The following TG variants were observed in gnomAD, a reference collection of about 807,000 sequenced individuals.
The protein encoded by TG is thyroglobulin, also known as thyroid hormones.
TG carries 270 observed loss-of-function variants against 324.7 expected under a neutral mutation model. The ratio of observed to expected loss-of-function variants is 0.83; its 90% confidence interval spans 0.75 to 0.92. The LOEUF is 0.92. Among genes scored for constraint, TG ranks in the 40% least tolerant of loss-of-function variants. TG has a pLI of 0.00. For missense variants in TG, 3,591 were observed against 3,456.4 expected, an observed-to-expected ratio of 1.04 and a Z score of -0.98; for synonymous variants, 1,401 against 1,327.0, an observed-to-expected ratio of 1.06 and a Z score of -1.21.
chr8:132,948,531 A>G (rs1042911859), intron 26 of TG, among the ~76,000 whole-genome samples: 2 of 152,174 alleles, frequency 1.3e-5, no homozygotes, highest in South Asian at 2.1e-4. Context: ...AAGCTCTCAT[A>G]GGGAGGGAAA....
In TG at chr8:132,935,873, G is replaced by T; in HGVS notation, c.5041+9G>T. 1 of 1,611,000 alleles carries T rather than the reference G, an allele frequency of 6.2e-7. No homozygotes were observed. The highest frequency in any genetic ancestry group is 2.2e-4 in the Middle Eastern group (1 of 4,504). Reference sequence around the variant, plus strand: ...TGTGTATTTGAAAAAGGGTAGGTTGGTCAGGCTGGTTGGCTTAGGCCCGCG... The same window carrying T: ...TGTGTATTTGAAAAAGGGTAGGTTGTTCAGGCTGGTTGGCTTAGGCCCGCG... On this transcript the variant is annotated intron_variant, in intron 25 of 47. Coordinates refer to ENST00000220616, the MANE Select transcript of TG (RefSeq NM_003235.5).
At chr8:132,937,353 C>T (rs75278543) in intron 25 of TG, among the ~76,000 whole-genome samples, 1 of 152,322 alleles carries the variant, frequency 6.6e-6, no homozygotes, top group East Asian at 1.9e-4. Flanking sequence ...GTAGCAATTG[C>T]GAGCCCACAG....
In TG at chr8:133,134,793, G is replaced by A. The variant is rs1376734328; in HGVS notation, c.8306G>A (p.Ter2769=). 14 of 1,613,814 alleles carry A rather than the reference G, an allele frequency of 8.7e-6. No individual in the cohort carries two copies. The highest frequency in any genetic ancestry group is 1.2e-5 in the Non-Finnish European group (14 of 1,179,750). The change falls in exon 48 of 48, where the codon TGA becomes TAA. Residue 2769 remains the stop codon, a stop_retained_variant. Transcript: ENST00000220616. ...QEPGSKTYSK[*] ...CCAGGCTCTAAGACCTACAGCAAGT[G>A]ACCAGCCCTTGAGCTCCCCAAAAAC...
chr8:133,001,115 A>G (rs1275594623), intron 35 of TG, among the ~76,000 whole-genome samples: 1 of 152,168 alleles, frequency 6.6e-6, no homozygotes, highest in Non-Finnish European at 1.5e-5. Context: ...CATTGGATTA[A>G]GGCCTACTCT....
intron 35 of TG, among the ~76,000 whole-genome samples, chr8:133,006,645 C>A (rs1003200391): frequency 2.6e-5 from 4 of 152,232 alleles, no homozygotes; most frequent in Non-Finnish European, 4.4e-5. Context: ...CAATCTACTG[C>A]CTCGTGGAGG....
intron 35 of TG, among the ~76,000 whole-genome samples, chr8:132,984,444 G>A (rs773078995): frequency 1.3e-5 from 2 of 152,146 alleles, no homozygotes; most frequent in Non-Finnish European, 2.9e-5. Context: ...CATGATAGAC[G>A]TTAGCTTCCT....
At chr8:133,056,091 A>T (rs1189029175) in intron 41 of TG, among the ~76,000 whole-genome samples, 1 of 152,188 alleles carries the variant, frequency 6.6e-6, no homozygotes, top group Non-Finnish European at 1.5e-5. Flanking sequence ...AGGGCAGGGC[A>T]TGGCTGTGTT....
intron 27 of TG, among the ~76,000 whole-genome samples, chr8:132,953,991 T>C (rs1826484210): frequency 7.3e-6 from 1 of 136,210 alleles, no homozygotes; most frequent in Non-Finnish European, 1.5e-5. Context: ...GATGTAAAAT[T>C]TGATAGAAAA....
rs1241452705 is a variant in TG at position 132,867,039 on chromosome 8, C to T, written c.39C>T (p.Ser13=). The part of the protein sequence containing the change: ...LVLEIFTLLA[S]ICWVSANIFE... The stretch of plus-strand genomic sequence containing the variant: ...TGGAGATCTTCACCCTGCTGGCCTC[C>T]ATCTGCTGGGTGTCGGCCAATATCT... Residue 13 remains serine (S), a synonymous_variant, in exon 1 of 48, where the codon TCC becomes TCT. Coordinates refer to ENST00000220616, the MANE Select transcript of TG (RefSeq NM_003235.5). 6.2e-7 allele frequency: 1 copy of T among 1,601,992 alleles called. No individual in the cohort carries two copies. Among genetic ancestry groups the T allele is most frequent in the Non-Finnish European group, 8.5e-7 (1 of 1,173,372 alleles).
At chr8:133,071,385 C>T (rs982246926) in intron 41 of TG, among the ~76,000 whole-genome samples, 4 of 152,148 alleles carry the variant, frequency 2.6e-5, no homozygotes, top group Non-Finnish European at 5.9e-5. Flanking sequence ...TCCCAGCTAC[C>T]GTGTCCTTAG....
intron 34 of TG, among the ~76,000 whole-genome samples, chr8:132,982,775 G>T (rs1289196492): frequency 6.6e-6 from 1 of 152,198 alleles, no homozygotes; most frequent in African/African-American, 2.4e-5. Context: ...GAAAACTGAG[G>T]CCCAGAAAGC....
At chr8:132,973,105 G>A (rs1474235180) in intron 34 of TG, among the ~76,000 whole-genome samples, 1 of 152,186 alleles carries the variant, frequency 6.6e-6, no homozygotes, top group Admixed American at 6.5e-5. Flanking sequence ...GGTCCCACCT[G>A]GGCTTAGTCA....
chr8:133,039,953 G>GCGCACA, intron 41 of TG: 5 of 1,433,550 alleles, frequency 3.5e-6, no homozygotes, highest in Non-Finnish European at 4.7e-6. Flanking sequence ...GCACTTGCAT[G>GCGCACA]CACACACACA....
At chr8:132,958,520 C>T (rs1167463599) in intron 27 of TG, among the ~76,000 whole-genome samples, 1 of 152,066 alleles carries the variant, frequency 6.6e-6, no homozygotes, top group Non-Finnish European at 1.5e-5. Flanking sequence ...GAGTTCAAGA[C>T]CATCCTGGCC....
chr8:133,104,122 G>T (rs1229494240), intron 43 of TG, among the ~76,000 whole-genome samples: 1 of 152,220 alleles, frequency 6.6e-6, no homozygotes, highest in East Asian at 1.9e-4. Context: ...TGGGGCAGGA[G>T]TGGTCCTGGC....
chr8:133,112,977 C>G (rs1046017422), intron 43 of TG, among the ~76,000 whole-genome samples: 4 of 152,182 alleles, frequency 2.6e-5, no homozygotes, highest in African/African-American at 9.7e-5. Flanking sequence ...TGATGAGTGA[C>G]TGAGTCCATG....
At chr8:133,008,337 C>G (rs1014456949) in intron 35 of TG, among the ~76,000 whole-genome samples, 19 of 151,962 alleles carry the variant, frequency 1.3e-4, no homozygotes, top group African/African-American at 4.6e-4. Flanking sequence ...GGAGGCAGAG[C>G]CAGGATTTGC....
At chr8:133,126,796 AAAAAAAAC>A (rs959831694) in intron 45 of TG, among the ~76,000 whole-genome samples, 16 of 152,180 alleles carry the variant, frequency 1.1e-4, no homozygotes, top group Admixed American at 7.8e-4. Flanking sequence ...AGCTTCTAAA[AAAAAAAAC>A]AAAAAAACAA....
intron 25 of TG, among the ~76,000 whole-genome samples, chr8:132,938,778 C>T (rs566215095): frequency 4.6e-5 from 7 of 152,196 alleles, no homozygotes; most frequent in Admixed American, 1.3e-4. Flanking sequence ...ATCGGCCAGG[C>T]GCAGTGGCTT....
Sources: gnomAD v4.1 joint callset for allele counts (sites outside exome capture counted in the v4.1 genomes callset) on GRCh38, gnomAD v4.1.1 for gene constraint, MANE v1.5 for transcripts, NCBI Gene and HGNC (gene_info 2026-07-23, HGNC 2026-07-21) for gene names.